TRHDE: variants seen among roughly 807,000 people sequenced by gnomAD.
TRHDE encodes the protein thyrotropin releasing hormone degrading enzyme.
Under a neutral mutation model 125.7 loss-of-function variants are expected in TRHDE, and 72 were observed. The observed-to-expected ratio is 0.57, with a 90% CI of 0.47 to 0.70. The LOEUF is 0.70. Ranked by LOEUF, TRHDE falls within the 30% of genes least tolerant of loss-of-function variation. TRHDE has a pLI of 0.00. For synonymous variants in TRHDE, 509 were observed against 509.1 expected (o/e 1.00, Z 0.00); for missense variants, 1,110 against 1,327.1 (o/e 0.84, Z 2.54).
At chr12:72,163,153 A>G (rs1194335378) in intron 2 of TRHDE, 3 of 152,222 alleles carry the variant, frequency 2.0e-5, no homozygotes, top group African/African-American at 4.8e-5. Context: ...CAAAAAATTG[A>G]AAACATTGCC....
In TRHDE at chr12:72,093,782, T is replaced by C. The variant is rs140616258; in HGVS notation, n.174+6343T>C. On this transcript the variant is annotated intron_variant and non_coding_transcript_variant, in intron 1 of 4. Transcript: ENST00000548156. ...TTCTCTTGCGTCTTGTTGAGCTTCTTTAAGATGCTTATTTAAATTATTTTT... is the reference window on the plus strand; with the variant it reads ...TTCTCTTGCGTCTTGTTGAGCTTCTCTAAGATGCTTATTTAAATTATTTTT... Among the ~76,000 whole-genome samples, 644 of 152,348 alleles carry C rather than the reference T, an allele frequency of 4.2e-3. 1 individual carries two copies. The highest frequency in any genetic ancestry group is 0.015 in the African/African-American group (605 of 41,586).
At chr12:72,104,733 C>T (rs1201324714) in intron 1 of TRHDE, among the ~76,000 whole-genome samples, 2 of 152,134 alleles carry the variant, frequency 1.3e-5, no homozygotes, top group Non-Finnish European at 2.9e-5. Flanking sequence ...ATATATTTTC[C>T]AGTATCCATG....
intron 12 of TRHDE, among the ~76,000 whole-genome samples, chr12:72,590,709 C>G (rs901788728): frequency 2.0e-5 from 3 of 152,058 alleles, no homozygotes; most frequent in African/African-American, 7.2e-5. Flanking sequence ...ATCTCTGTAT[C>G]TTTACACTCA....
At chr12:72,342,884 ATAAT>A (rs1486644794) in intron 2 of TRHDE, among the ~76,000 whole-genome samples, 1 of 152,168 alleles carries the variant, frequency 6.6e-6, no homozygotes, top group Non-Finnish European at 1.5e-5. Flanking sequence ...GATAACGCTA[ATAAT>A]TAATAGCCAG....
chr12:72,663,149 A>G lies in TRHDE; in HGVS notation c.3164A>G (p.Tyr1055Cys). The change falls in exon 19 of 19, where the codon TAC becomes TGC. Residue 1055 changes from tyrosine (Y) to cysteine (C), a missense_variant. Tyr to Cys is a radical substitution (Grantham distance 194). Coordinates refer to ENST00000261180, the MANE Select transcript of TRHDE (RefSeq NM_013381.3). ...VEANVRWKMLYQDELFQWLGK... is the reference protein window; with the variant it reads ...VEANVRWKMLCQDELFQWLGK... Reference sequence around the variant, plus strand: ...GCCAATGTGCGCTGGAAAATGCTTTACCAAGACGAGCTTTTCCAATGGTTA... The same window carrying G: ...GCCAATGTGCGCTGGAAAATGCTTTGCCAAGACGAGCTTTTCCAATGGTTA... The G allele has an allele frequency of 6.2e-7, 1 of 1,613,054 alleles. No homozygotes were observed. The highest frequency in any genetic ancestry group is 8.5e-7 in the Non-Finnish European group (1 of 1,179,432).
intron 2 of TRHDE, among the ~76,000 whole-genome samples, chr12:72,240,644 A>G (rs1406610840): frequency 6.6e-6 from 1 of 151,360 alleles, no homozygotes; most frequent in Non-Finnish European, 1.5e-5. Context: ...ATCTCGGCTC[A>G]CTGCAAGCTC....
intron 2 of TRHDE, among the ~76,000 whole-genome samples, chr12:72,147,187 T>C (rs1876248944): frequency 6.6e-6 from 1 of 152,152 alleles, no homozygotes; most frequent in South Asian, 2.1e-4. Flanking sequence ...TGTTCTCATT[T>C]AGGGCTGCGA....
Position 72,519,051 on chromosome 12 carries a change from C to T in TRHDE, c.1722+19416C>T, listed in dbSNP as rs535400913. On this transcript the variant is annotated intron_variant, in intron 6 of 18. Coordinates refer to ENST00000261180, the MANE Select transcript of TRHDE (RefSeq NM_013381.3). ...GATGGGCTTCCCTTTGTGGGTAACC[C>T]AACCTTTCCCTCTGGCTGCCCTTAA... Among the ~76,000 whole-genome samples, 23 of 152,280 alleles carry T rather than the reference C, an allele frequency of 1.5e-4. No individual in the cohort carries two copies. The East Asian group carries it at 3.9e-3, about 26-fold the overall frequency.
At chr12:72,377,304 C>CTTTTTTTTTTTT (rs200021223) in intron 2 of TRHDE, among the ~76,000 whole-genome samples, 48 of 130,400 alleles carry the variant, frequency 3.7e-4, no homozygotes, top group African/African-American at 1.3e-3. Flanking sequence ...TTGCTTTAGG[C>CTTTTTTTTTTTT]TTTTTTTTTT....
chr12:72,299,580 A>G (rs1476901225), intron 2 of TRHDE, among the ~76,000 whole-genome samples: 1 of 152,202 alleles, frequency 6.6e-6, no homozygotes, highest in Non-Finnish European at 1.5e-5. Context: ...ATGAACTGAA[A>G]TATTGGGAAA....
intron 3 of TRHDE, among the ~76,000 whole-genome samples, chr12:72,405,133 A>G (rs1235344408): frequency 1.3e-5 from 2 of 152,178 alleles, no homozygotes; most frequent in East Asian, 3.9e-4. Flanking sequence ...AATCCTTATC[A>G]TTAGCTGTTT....
At chr12:72,521,821 G>A (rs771931290) in intron 6 of TRHDE, among the ~76,000 whole-genome samples, 1 of 152,172 alleles carries the variant, frequency 6.6e-6, no homozygotes, top group African/African-American at 2.4e-5. Flanking sequence ...CTAAATTGGA[G>A]CCGTTGAAAC....
chr12:72,526,755 T>C lies in TRHDE; in HGVS notation c.1723-15536T>C, dbSNP rs149887645. Among the ~76,000 whole-genome samples the C allele has an allele frequency of 6.8e-3, 1,040 of 152,278 alleles. 9 individuals carry two copies. The highest frequency in any genetic ancestry group is 0.011 in the Non-Finnish European group (733 of 67,984). ...TCTGCACAAGGATATCTGAGTTTTG[T>C]AGCCATGTGTCTTTATGACTTTGAT... On this transcript the variant is annotated intron_variant, in intron 6 of 18. Coordinates refer to ENST00000261180, the MANE Select transcript of TRHDE (RefSeq NM_013381.3).
At chr12:72,616,696 C>T (rs1178172928) in intron 12 of TRHDE, among the ~76,000 whole-genome samples, 2 of 152,088 alleles carry the variant, frequency 1.3e-5, no homozygotes, top group African/African-American at 4.8e-5. Context: ...GAGATTCAAG[C>T]AACTTTCCAA....
chr12:72,520,298 G>T (rs547794164), intron 6 of TRHDE, among the ~76,000 whole-genome samples: 1 of 152,186 alleles, frequency 6.6e-6, no homozygotes, highest in Non-Finnish European at 1.5e-5. Context: ...GCGAGACTCC[G>T]TGGGCGTAAG....
intron 2 of TRHDE, among the ~76,000 whole-genome samples, chr12:72,329,474 T>C (rs1001424375): frequency 6.6e-6 from 1 of 152,218 alleles, no homozygotes; most frequent in African/African-American, 2.4e-5. Context: ...CCCCTCCATG[T>C]TGGTAATGCA....
chr12:72,449,822 C>CA (rs1875484614), intron 3 of TRHDE, among the ~76,000 whole-genome samples: 1 of 151,970 alleles, frequency 6.6e-6, no homozygotes, highest in African/African-American at 2.4e-5. Flanking sequence ...GTTAACATTA[C>CA]AAAAACATAC....
chr12:72,540,294 A>ATT (rs1224517985), intron 6 of TRHDE, among the ~76,000 whole-genome samples: 1 of 151,810 alleles, frequency 6.6e-6, no homozygotes, highest in African/African-American at 2.4e-5. Context: ...ACAATATAAT[A>ATT]TAATCAGGAG....
chr12:72,516,849 C>T (rs1374406155), intron 6 of TRHDE, among the ~76,000 whole-genome samples: 1 of 152,018 alleles, frequency 6.6e-6, no homozygotes, highest in Non-Finnish European at 1.5e-5. Flanking sequence ...GAGTTTTTAG[C>T]ATGAAGCGTT....
Sources: gnomAD v4.1 joint callset for allele counts (sites outside exome capture counted in the v4.1 genomes callset) on GRCh38, gnomAD v4.1.1 for gene constraint, MANE v1.5 for transcripts, NCBI Gene and HGNC (gene_info 2026-07-23, HGNC 2026-07-21) for gene names.